ZMYM2: variants seen among roughly 807,000 people sequenced by gnomAD.
The protein encoded by ZMYM2 is zinc finger MYM-type containing 2.
A neutral mutation model predicts 162.8 loss-of-function variants in ZMYM2; 56 were observed. That is an observed-to-expected ratio of 0.34 (90% confidence interval 0.28 to 0.43). The LOEUF is 0.43. Among genes scored for constraint, ZMYM2 ranks in the 20% least tolerant of loss-of-function variants. The pLI is 1.00. For synonymous variants in ZMYM2, 510 were observed against 541.6 expected (o/e 0.94, Z 0.81); for missense variants, 1,275 against 1,621.8 (o/e 0.79, Z 3.67).
the ZMYM2 span, among the ~76,000 whole-genome samples, chr13:19,910,834 ACAGCAGAGT>A: frequency 7.2e-5 from 11 of 152,080 alleles, no homozygotes; most frequent in Non-Finnish European, 1.2e-4. Context: ...ACTGTAATGG[ACAGCAGAGT>A]CAAAGTGGCA....
the ZMYM2 span, among the ~76,000 whole-genome samples, chr13:19,889,737 C>T: frequency 7.9e-5 from 12 of 151,814 alleles, no homozygotes; most frequent in Non-Finnish European, 1.6e-4. Flanking sequence ...CCAGGGATTG[C>T]TGTACCATCT....
chr13:20,058,387 A>G (rs1955970161), intron 14 of ZMYM2, among the ~76,000 whole-genome samples, 188 bp from the exon 15 acceptor site: 1 of 152,224 alleles, frequency 6.6e-6, no homozygotes, highest in South Asian at 2.1e-4. Flanking sequence ...CTTTGCTAGT[A>G]GTTAGGATAG....
the ZMYM2 span, among the ~76,000 whole-genome samples, chr13:19,877,438 C>G: frequency 6.6e-6 from 1 of 152,162 alleles, no homozygotes; most frequent in Non-Finnish European, 1.5e-5. Flanking sequence ...CCTACCTACT[C>G]TCATGGGAAC....
chr13:20,012,589 C>CA (rs1274742225), intron 6 of ZMYM2, among the ~76,000 whole-genome samples: 2 of 152,218 alleles, frequency 1.3e-5, no homozygotes, highest in African/African-American at 4.8e-5. Context: ...ACAGTTTCCT[C>CA]TAAGAGTTGT....
At chr13:19,905,411 G>C in the ZMYM2 span, among the ~76,000 whole-genome samples, 1 of 152,164 alleles carries the variant, frequency 6.6e-6, no homozygotes, top group South Asian at 2.1e-4. Context: ...AACGCCTAGA[G>C]ATAGTGAAGA....
chr13:19,960,130 T>A (rs1305797560), intron 2 of ZMYM2, 104 bp downstream of exon 2: 1 of 152,234 alleles, frequency 6.6e-6, no homozygotes, highest in South Asian at 2.1e-4. Flanking sequence ...GGGGAGGAGC[T>A]TTCCCTTGGG....
the ZMYM2 span, among the ~76,000 whole-genome samples, chr13:19,918,136 A>G: frequency 1.3e-5 from 2 of 152,200 alleles, no homozygotes; most frequent in African/African-American, 2.4e-5. Flanking sequence ...TTATATTTTC[A>G]TTAATAAATT....
rs190416809 is a variant in ZMYM2, at chr13:20,076,192, A to G, written c.3454-5824A>G. ...CCTCTAAGTCAGCAGGAACAGGCCT[A>G]ACTATGTATGTATCTCATTGTGTGC... On this transcript the variant is annotated intron_variant, in intron 21 of 24. Transcript: ENST00000610343. Among the ~76,000 whole-genome samples, 2 of 150,534 alleles carry G rather than the reference A, an allele frequency of 1.3e-5. 1 individual carries two copies. Among genetic ancestry groups the G allele is most frequent in the African/African-American group, 5.0e-5 (2 of 39,818 alleles).
chr13:19,920,667 G>A, the ZMYM2 span, among the ~76,000 whole-genome samples: 10 of 151,980 alleles, frequency 6.6e-5, no homozygotes, highest in African/African-American at 2.2e-4. Flanking sequence ...ACATGCCTAG[G>A]GAAAGAGGAA....
intron 9 of ZMYM2, among the ~76,000 whole-genome samples, chr13:20,027,798 G>GGTAAAT (rs1384044088): frequency 6.6e-6 from 1 of 151,994 alleles, no homozygotes; most frequent in African/African-American, 2.4e-5. Context: ...TTTTCATTTT[G>GGTAAAT]GTAAATGTAA....
At chr13:19,950,613 C>T in the ZMYM2 span, among the ~76,000 whole-genome samples, 1 of 152,212 alleles carries the variant, frequency 6.6e-6, no homozygotes, top group Non-Finnish European at 1.5e-5. Context: ...ACCCATAATC[C>T]TCTCTGACCA....
chr13:19,930,363 T>C, the ZMYM2 span, among the ~76,000 whole-genome samples: 1 of 151,942 alleles, frequency 6.6e-6, no homozygotes, highest in Non-Finnish European at 1.5e-5. Flanking sequence ...ATCACGCCAC[T>C]GCACTCCAGC....
At chr13:20,026,822 A>T (rs1952626745) in intron 8 of ZMYM2, 60 bp downstream of exon 8, 3 of 1,498,850 alleles carry the variant, frequency 2.0e-6, no homozygotes, top group Non-Finnish European at 2.7e-6. Flanking sequence ...TTTTTGCATA[A>T]ATACTCATTT....
At chr13:19,909,511 C>T in the ZMYM2 span, among the ~76,000 whole-genome samples, 10 of 145,492 alleles carry the variant, frequency 6.9e-5, no homozygotes, top group Admixed American at 3.6e-4. Flanking sequence ...TGGCTCACTG[C>T]AACCTCCACC....
At chr13:19,962,507 ATATATATATTTTTTTTT>A (rs1328208769) in intron 2 of ZMYM2, among the ~76,000 whole-genome samples, 1 of 59,472 alleles carries the variant, frequency 1.7e-5, no homozygotes, top group African/African-American at 6.3e-5. Flanking sequence ...ATATATATAT[ATATATATATTTTTTTTT>A]TTTTTTTTTT....
chr13:20,001,042 T>C (rs1192442643), intron 3 of ZMYM2, among the ~76,000 whole-genome samples: 1 of 152,102 alleles, frequency 6.6e-6, no homozygotes, highest in East Asian at 1.9e-4. Context: ...AAGACTTTAG[T>C]GGAGGAAGTA....
At chr13:19,947,072 C>G in the ZMYM2 span, among the ~76,000 whole-genome samples, 1 of 151,106 alleles carries the variant, frequency 6.6e-6, no homozygotes, top group Non-Finnish European at 1.5e-5. Flanking sequence ...GACAGAGTCT[C>G]GCTCTGTCGC....
the ZMYM2 span, among the ~76,000 whole-genome samples, chr13:19,891,168 CA>C: frequency 6.6e-6 from 1 of 151,868 alleles, no homozygotes; most frequent in South Asian, 2.1e-4. Flanking sequence ...GGGTGGTCTT[CA>C]CTCTAATAGG....
At chr13:20,048,001 A>G (rs990045047) in intron 12 of ZMYM2, among the ~76,000 whole-genome samples, 24 of 152,162 alleles carry the variant, frequency 1.6e-4, no homozygotes, top group African/African-American at 5.5e-4. Context: ...TTGTAATACA[A>G]TAATAGCTAG....
Sources: allele counts gnomAD v4.1 joint callset (sites outside exome capture counted in the v4.1 genomes callset), GRCh38; gene constraint gnomAD v4.1.1; transcripts MANE v1.5; gene names NCBI Gene and HGNC (gene_info 2026-07-23, HGNC 2026-07-21).